Variants in BRINP1 observed in about 807,000 individuals in gnomAD.
BRINP1 encodes BMP/retinoic acid-inducible neural-specific protein 1.
BRINP1 carries 17 observed loss-of-function variants against 72.9 expected under a neutral mutation model. The observed-to-expected ratio is 0.23, with a 90% confidence interval of 0.16 to 0.35. The LOEUF (loss-of-function observed/expected upper bound fraction) is 0.35. Ranked by LOEUF, BRINP1 falls within the 10% of genes least tolerant of loss-of-function variation. The pLI is 1.00. For missense variants in BRINP1, 850 were observed against 1,001.6 expected (o/e 0.85, Z 2.04); for synonymous variants, 418 against 378.5 (o/e 1.10, Z -1.21).
chr9:119,283,841 G>T (rs1381235955), intron 2 of BRINP1, among the ~76,000 whole-genome samples: 1 of 152,110 alleles, frequency 6.6e-6, no homozygotes, highest in Non-Finnish European at 1.5e-5. Context: ...CCTCCTCTCA[G>T]ATCTCTTAAC....
chr9:119,183,266 TAGAAG>T (rs1829577034), intron 7 of BRINP1, among the ~76,000 whole-genome samples: 1 of 152,200 alleles, frequency 6.6e-6, no homozygotes, highest in Admixed American at 6.5e-5. Flanking sequence ...CCATCAGCAG[TAGAAG>T]AGAATTCTAT....
At chr9:119,206,322 G>A (rs548968941) in intron 7 of BRINP1, among the ~76,000 whole-genome samples, 1 of 150,306 alleles carries the variant, frequency 6.7e-6, no homozygotes, top group Non-Finnish European at 1.5e-5. Flanking sequence ...AGGGGAGGCT[G>A]AGCAGGAGAA....
At chr9:119,223,395 C>T (rs756773613) in intron 5 of BRINP1, among the ~76,000 whole-genome samples, 1 of 151,974 alleles carries the variant, frequency 6.6e-6, no homozygotes, top group Non-Finnish European at 1.5e-5. Context: ...GTTTAAGTGA[C>T]ATTATTTTCT....
intron 2 of BRINP1, among the ~76,000 whole-genome samples, chr9:119,304,537 G>A (rs1830974998): frequency 6.6e-6 from 1 of 152,194 alleles, no homozygotes; most frequent in Non-Finnish European, 1.5e-5. Context: ...GTGCCCAGGA[G>A]GAAGGCCTTG....
chr9:119,242,087 C>T lies in BRINP1; in HGVS notation c.539G>A (p.Arg180Lys). ...SYFVDRDGTM[R>K]RLHEIQISTG... is the part of the protein sequence containing the mutation. ...TGATATCTGGATCTCATGAAGCCTC[C>T]TCATGGTACCATCACGGTCAACAAA... The change falls in exon 4 of 8, where the codon AGG becomes AAG. Residue 180 changes from arginine to lysine, a missense_variant. Arg to Lys is a conservative substitution (Grantham distance 26). Transcript: ENST00000265922. 3.7e-6 allele frequency: 6 copies of T among 1,614,112 alleles called. No individual in the cohort carries two copies. The highest frequency in any genetic ancestry group is 5.1e-6 in the Non-Finnish European group (6 of 1,180,022).
intron 2 of BRINP1, among the ~76,000 whole-genome samples, chr9:119,255,134 T>A (rs538892257): frequency 1.3e-5 from 2 of 152,362 alleles, no homozygotes; most frequent in Admixed American, 6.5e-5. Context: ...TTGCTTGCCA[T>A]GTTGTCTAAC....
At chr9:119,279,340 G>C (rs997190026) in intron 2 of BRINP1, among the ~76,000 whole-genome samples, 4 of 152,124 alleles carry the variant, frequency 2.6e-5, no homozygotes, top group African/African-American at 9.6e-5. Context: ...TAACCATGGG[G>C]ATTTCGCCAG....
intron 5 of BRINP1, among the ~76,000 whole-genome samples, chr9:119,226,899 A>G (rs1424640094): frequency 1.3e-5 from 2 of 151,982 alleles, no homozygotes; most frequent in Non-Finnish European, 2.9e-5. Flanking sequence ...GGGAAGCAAA[A>G]TTATGTAGAG....
chr9:119,173,639 T>G (rs1829445400), intron 7 of BRINP1, among the ~76,000 whole-genome samples: 1 of 149,342 alleles, frequency 6.7e-6, no homozygotes, highest in Non-Finnish European at 1.5e-5. Context: ...TGGAAAAAAC[T>G]ACTTTAAAGT....
At position 119,214,155 on chromosome 9, in the gene BRINP1, C is replaced by T; in HGVS notation, c.686G>A (p.Gly229Asp). 1 of 1,607,576 alleles carries T rather than the reference C, an allele frequency of 6.2e-7. No individual in the cohort carries two copies. The highest frequency in any genetic ancestry group is 8.5e-7 in the Non-Finnish European group (1 of 1,174,332). ...QSTESKLHLQ[G>D]LQIIFPQYLQ... ...ATACTGAGGAAAGATTATCTGAAGACCTGTGTGAGAATAGCAAGAAGGGAA... is the reference window on the plus strand; with the variant it reads ...ATACTGAGGAAAGATTATCTGAAGATCTGTGTGAGAATAGCAAGAAGGGAA... Residue 229 changes from glycine to aspartate, a missense_variant and splice_region_variant, in exon 6 of 8, where the codon GGT (glycine) becomes GAT (aspartate). Coordinates refer to ENST00000265922, the MANE Select transcript of BRINP1 (RefSeq NM_014618.3).
At chr9:119,188,354 TA>T (rs754473958) in intron 7 of BRINP1, among the ~76,000 whole-genome samples, 6 of 151,248 alleles carry the variant, frequency 4.0e-5, no homozygotes, top group Admixed American at 6.6e-5. Context: ...AAAGAAAAAA[TA>T]AAAAAAACTT....
At chr9:119,283,102 G>C (rs911547119) in intron 2 of BRINP1, 1 of 985,064 alleles carries the variant, frequency 1.0e-6, no homozygotes, top group Non-Finnish European at 1.2e-6. Context: ...AGTTCACAGA[G>C]CTTGGAGCGT....
chr9:119,327,113 C>A (rs1452708050), intron 1 of BRINP1, among the ~76,000 whole-genome samples: 1 of 152,152 alleles, frequency 6.6e-6, no homozygotes. Flanking sequence ...ATATCATTAC[C>A]AACAACTGGT....
chr9:119,347,998 T>C (rs1186336198), intron 1 of BRINP1, among the ~76,000 whole-genome samples: 2 of 152,206 alleles, frequency 1.3e-5, no homozygotes, highest in African/African-American at 4.8e-5. Context: ...TAGTTTACAT[T>C]AGGGGTCACC....
At chr9:119,279,537 T>C (rs761687626) in intron 2 of BRINP1, among the ~76,000 whole-genome samples, 74 of 152,312 alleles carry the variant, frequency 4.9e-4, no homozygotes, top group Non-Finnish European at 9.4e-4. Context: ...CAGAAAATAA[T>C]AGGTGCTTCA....
At chr9:119,359,320 G>A (rs1420366839) in intron 1 of BRINP1, among the ~76,000 whole-genome samples, 2 of 152,044 alleles carry the variant, frequency 1.3e-5, no homozygotes, top group Non-Finnish European at 2.9e-5. Flanking sequence ...CAGCACCCCC[G>A]AAGTAGCCAG....
chr9:119,313,408 A>G lies in BRINP1; in HGVS notation c.-50-3T>C. Reference sequence around the variant, plus strand: ...TTCTTGCTCCATTCTGTGGAGTCCTATAGAAGAAAGAATAAAAAAGAGAGA... The same window carrying G: ...TTCTTGCTCCATTCTGTGGAGTCCTGTAGAAGAAAGAATAAAAAAGAGAGA... On this transcript the variant is annotated splice_region_variant and splice_polypyrimidine_tract_variant and intron_variant, in intron 1 of 7. Coordinates refer to ENST00000265922, the MANE Select transcript of BRINP1 (RefSeq NM_014618.3). The G allele has an allele frequency of 1.3e-6, 2 of 1,564,782 alleles. No homozygotes were observed. Among genetic ancestry groups the G allele is most frequent in the Non-Finnish European group, 8.6e-7 (1 of 1,158,188 alleles).
chr9:119,236,537 G>A (rs895747633), intron 5 of BRINP1, among the ~76,000 whole-genome samples: 3 of 152,078 alleles, frequency 2.0e-5, no homozygotes, highest in African/African-American at 7.2e-5. Context: ...TCCTTGGTAG[G>A]AATATGTCAT....
chr9:119,261,359 C>G (rs1475746173), intron 2 of BRINP1, among the ~76,000 whole-genome samples: 1 of 152,100 alleles, frequency 6.6e-6, no homozygotes, highest in African/African-American at 2.4e-5. Flanking sequence ...TCGCTGTGGC[C>G]ACAGACACAT....
Sources: gnomAD v4.1 joint callset for allele counts (sites outside exome capture counted in the v4.1 genomes callset) on GRCh38, gnomAD v4.1.1 for gene constraint, MANE v1.5 for transcripts, NCBI Gene and HGNC (gene_info 2026-07-23, HGNC 2026-07-21) for gene names.